Variants in TFEC observed in about 807,000 individuals in gnomAD.
TFEC encodes the protein transcription factor EC, also known as class E basic helix-loop-helix protein 34.
TFEC carries 31 observed loss-of-function variants against 41.6 expected under a neutral mutation model. The observed-to-expected ratio is 0.74, with a 90% CI of 0.56 to 1.01. TFEC has a LOEUF of 1.01. Ranked by LOEUF, TFEC falls within the 50% of genes least tolerant of loss-of-function variation. TFEC has a pLI of 0.00. For missense variants in TFEC, 402 were observed against 404.1 expected, an observed-to-expected ratio of 0.99 and a Z score of 0.04; for synonymous variants, 143 against 140.6, an observed-to-expected ratio of 1.02 and a Z score of -0.12.
chr7:116,152,170 G>C (rs745513048), intron 1 of TFEC, among the ~76,000 whole-genome samples: 3 of 152,022 alleles, frequency 2.0e-5, no homozygotes, highest in Non-Finnish European at 2.9e-5. Flanking sequence ...CAAGATAGAA[G>C]AACAAGGATC....
At chr7:115,955,142 C>T (rs1792154911) in intron 4 of TFEC, among the ~76,000 whole-genome samples, 1 of 151,918 alleles carries the variant, frequency 6.6e-6, no homozygotes, top group African/African-American at 2.4e-5. Context: ...GAAACACTTC[C>T]ACACTTTCTT....
At chr7:116,139,989 G>T (rs988847618) in intron 1 of TFEC, among the ~76,000 whole-genome samples, 1 of 152,208 alleles carries the variant, frequency 6.6e-6, no homozygotes, top group Admixed American at 6.5e-5. Flanking sequence ...CAAAGCAAAA[G>T]GGAGCACCAT....
At chr7:116,020,679 TATTAC>T (rs1267379221) in intron 1 of TFEC, among the ~76,000 whole-genome samples, 1 of 152,064 alleles carries the variant, frequency 6.6e-6, no homozygotes, top group Non-Finnish European at 1.5e-5. Context: ...TAAGAGAAAA[TATTAC>T]TGCTTAGCAA....
chr7:116,114,760 T>C (rs574870497), intron 1 of TFEC, among the ~76,000 whole-genome samples: 62 of 151,000 alleles, frequency 4.1e-4, no homozygotes, highest in African/African-American at 1.2e-3. Context: ...CGGTAAAAAA[T>C]TATCAGAGGC....
chr7:115,996,250 A>G (rs989182623), intron 1 of TFEC, among the ~76,000 whole-genome samples: 25 of 152,050 alleles, frequency 1.6e-4, no homozygotes, highest in African/African-American at 5.8e-4. Context: ...CAGCTCAGCC[A>G]CAATAGGATA....
At chr7:116,002,380 T>C (rs1337978496) in intron 1 of TFEC, among the ~76,000 whole-genome samples, 1 of 152,194 alleles carries the variant, frequency 6.6e-6, no homozygotes. Context: ...TGCAACAGCA[T>C]GGACGGTGCT....
intron 1 of TFEC, among the ~76,000 whole-genome samples, chr7:116,129,026 A>G (rs1798273981): frequency 6.6e-6 from 1 of 152,208 alleles, no homozygotes; most frequent in East Asian, 1.9e-4. Context: ...AAAAAAAACC[A>G]AAGTCCAGAC....
chr7:116,150,237 G>A (rs1798732830), intron 1 of TFEC, among the ~76,000 whole-genome samples: 1 of 152,070 alleles, frequency 6.6e-6, no homozygotes. Flanking sequence ...ATTGCTCAGT[G>A]TTAATCAGAA....
At chr7:116,036,957 C>T (rs190394228) in intron 3 of TFEC, among the ~76,000 whole-genome samples, 2 of 152,114 alleles carry the variant, frequency 1.3e-5, no homozygotes, top group African/African-American at 2.4e-5. Context: ...TAATAGATAA[C>T]ATTTAAGTTT....
chr7:116,054,250 G>A (rs1470373104), intron 3 of TFEC, among the ~76,000 whole-genome samples: 1 of 152,194 alleles, frequency 6.6e-6, no homozygotes, highest in African/African-American at 2.4e-5. Flanking sequence ...ATGAATGTTG[G>A]AGTTGGGATC....
chr7:116,031,070 G>C (rs1795769368), upstream of TFEC, among the ~76,000 whole-genome samples: 1 of 152,050 alleles, frequency 6.6e-6, no homozygotes, highest in African/African-American at 2.4e-5. Flanking sequence ...ATAATGGACT[G>C]AGATCCTACA....
At chr7:115,992,539 C>T (rs976550573) in intron 1 of TFEC, among the ~76,000 whole-genome samples, 1 of 152,118 alleles carries the variant, frequency 6.6e-6, no homozygotes, top group Non-Finnish European at 1.5e-5. Context: ...CCACTGATCC[C>T]ACAGAAATAC....
intron 6 of TFEC, among the ~76,000 whole-genome samples, chr7:115,943,377 T>A (rs1793605496): frequency 6.6e-6 from 1 of 151,818 alleles, no homozygotes; most frequent in African/African-American, 2.4e-5. Flanking sequence ...CCTTATTTTG[T>A]GTCATTTTTT....
chr7:116,056,941 T>C (rs1305370424), intron 3 of TFEC, among the ~76,000 whole-genome samples: 1 of 152,026 alleles, frequency 6.6e-6, no homozygotes, highest in East Asian at 1.9e-4. Context: ...TCCATATGTT[T>C]AGAAAATTAT....
intron 3 of TFEC, among the ~76,000 whole-genome samples, chr7:116,057,431 T>G (rs1047575717): frequency 6.6e-6 from 1 of 151,966 alleles, no homozygotes; most frequent in African/African-American, 2.4e-5. Context: ...ATTTCTATAT[T>G]CAACAAAGAC....
chr7:115,955,601 C>T (rs1467071698), intron 4 of TFEC, among the ~76,000 whole-genome samples: 1 of 151,970 alleles, frequency 6.6e-6, no homozygotes, highest in Non-Finnish European at 1.5e-5. Flanking sequence ...CTGGTCTGAA[C>T]GAATTCACTA....
chr7:116,064,620 G>C (rs1056720442), intron 3 of TFEC, among the ~76,000 whole-genome samples: 2 of 151,998 alleles, frequency 1.3e-5, no homozygotes, highest in South Asian at 4.2e-4. Flanking sequence ...CCTAGATGAC[G>C]GGTTGATAGG....
chr7:116,080,979 G>GTATGTATGTA (rs574870582), intron 3 of TFEC, among the ~76,000 whole-genome samples: 2 of 106,454 alleles, frequency 1.9e-5, no homozygotes, highest in African/African-American at 6.8e-5. Context: ...AAAATGTAGT[G>GTATGTATGTA]TGTGTGTGTG....
intron 3 of TFEC, among the ~76,000 whole-genome samples, chr7:116,094,708 C>CAAAA (rs1310581391): frequency 1.3e-5 from 2 of 151,910 alleles, no homozygotes; most frequent in African/African-American, 4.8e-5. Context: ...TAAAAACAAA[C>CAAAA]AAACAAAAAA....
Sources: allele counts gnomAD v4.1 joint callset (sites outside exome capture counted in the v4.1 genomes callset), GRCh38; gene constraint gnomAD v4.1.1; transcripts MANE v1.5; gene names NCBI Gene and HGNC (gene_info 2026-07-23, HGNC 2026-07-21).